PCDH15: variants seen among roughly 807,000 people sequenced by gnomAD.
The protein encoded by PCDH15 is protocadherin related 15, also known as protocadherin-15.
A neutral mutation model predicts 178.5 loss-of-function variants in PCDH15; 129 were observed. That is an observed-to-expected ratio of 0.72 (90% CI 0.63 to 0.84). The LOEUF (loss-of-function observed/expected upper bound fraction) is 0.84, where lower values mean the gene tolerates loss of function less well. PCDH15 is among the 40% of genes least tolerant of loss of function. The probability of loss-of-function intolerance (pLI) is 0.00; values close to 1 mark genes in which losing one functional copy is unlikely to be tolerated. For synonymous variants in PCDH15, 800 were observed against 732.0 expected, an observed-to-expected ratio of 1.09 and a Z score of -1.50; for missense variants, 2,230 against 2,099.9, an observed-to-expected ratio of 1.06 and a Z score of -1.21.
chr10:54,061,683 C>T (rs1326414620), intron 18 of PCDH15, among the ~76,000 whole-genome samples: 3 of 152,044 alleles, frequency 2.0e-5, no homozygotes, highest in Admixed American at 1.3e-4. Context: ...TGACACTTGA[C>T]ACAGAGTATA....
At chr10:54,964,855 CTA>C (rs913691601) in intron 2 of PCDH15, among the ~76,000 whole-genome samples, 4 of 152,074 alleles carry the variant, frequency 2.6e-5, no homozygotes, top group Admixed American at 6.6e-5. Flanking sequence ...TCAGAGACCA[CTA>C]GGAAGGCACT....
chr10:53,873,871 G>C (rs143747359), intron 26 of PCDH15, among the ~76,000 whole-genome samples: 1 of 152,104 alleles, frequency 6.6e-6, no homozygotes, highest in African/African-American at 2.4e-5. Flanking sequence ...AGAGGCCCCA[G>C]AGACTTCCTT....
chr10:55,536,048 A>G (rs986000854), intron 2 of PCDH15, among the ~76,000 whole-genome samples: 1 of 152,086 alleles, frequency 6.6e-6, no homozygotes. Flanking sequence ...GTTCATCAAC[A>G]TGGTATATAG....
Position 54,419,860 on chromosome 10 carries a change from C to G in PCDH15, c.158-40918G>C, listed in dbSNP as rs117122961. ...TTTTTACTACAAAGCTTAGGAAGAACAAAAGGAACCTGAATAGAGAAAATG... is the reference window on the plus strand; with the variant it reads ...TTTTTACTACAAAGCTTAGGAAGAAGAAAAGGAACCTGAATAGAGAAAATG... On this transcript the variant is annotated intron_variant, in intron 3 of 37. Transcript: ENST00000644397. Among the ~76,000 whole-genome samples the G allele has an allele frequency of 4.4e-3, 673 of 152,040 alleles. 1 individual carries two copies. The highest frequency in any genetic ancestry group is 0.01 in the South Asian group (50 of 4,822).
At chr10:55,031,416 TCTC>T (rs1489643527) in intron 2 of PCDH15, among the ~76,000 whole-genome samples, 3 of 152,160 alleles carry the variant, frequency 2.0e-5, no homozygotes, top group African/African-American at 7.2e-5. Context: ...AAATTTATCA[TCTC>T]ATATAAAAGG....
chr10:55,181,167 C>T (rs1423787235), intron 1 of PCDH15, among the ~76,000 whole-genome samples: 4 of 151,932 alleles, frequency 2.6e-5, no homozygotes, highest in Non-Finnish European at 4.4e-5. Flanking sequence ...CAAGTAAAAG[C>T]CATGCTGTGA....
At chr10:54,254,699 AC>A (rs1564798516) in intron 8 of PCDH15, among the ~76,000 whole-genome samples, 1 of 151,958 alleles carries the variant, frequency 6.6e-6, no homozygotes, top group East Asian at 1.9e-4. Flanking sequence ...AATTATCATG[AC>A]CTAAATTTGT....
Position 55,227,809 on chromosome 10 carries a change from G to A in PCDH15, c.-155-61158C>T, listed in dbSNP as rs578047056. On this transcript the variant is annotated intron_variant, in intron 1 of 5. Coordinates refer to the PCDH15 transcript ENST00000458638. The stretch of plus-strand genomic sequence containing the variant: ...ACATGTATTATTATATTCAGAGGAC[G>A]GGAGAAGGCAATGAATGTTTGTCGA... 5.3e-4 allele frequency among the ~76,000 whole-genome samples: 81 copies of A among 152,092 alleles called. 1 individual carries two copies. In the South Asian group the frequency reaches 0.016, roughly 30 times the overall value.
intron 2 of PCDH15, among the ~76,000 whole-genome samples, chr10:55,121,761 G>C (rs1221381744): frequency 6.6e-6 from 1 of 151,948 alleles, no homozygotes; most frequent in African/African-American, 2.4e-5. Flanking sequence ...CTGTCTTTCT[G>C]TTCCTTCTGC....
chr10:54,157,285 G>T (rs2045255147), intron 13 of PCDH15, among the ~76,000 whole-genome samples: 1 of 152,228 alleles, frequency 6.6e-6, no homozygotes, highest in Non-Finnish European at 1.5e-5. Flanking sequence ...TGGGCAACCA[G>T]GTGTTTCCAT....
intron 1 of PCDH15, among the ~76,000 whole-genome samples, chr10:55,229,856 A>G (rs971123824): frequency 6.6e-6 from 1 of 152,026 alleles, no homozygotes; most frequent in African/African-American, 2.4e-5. Flanking sequence ...TTCCAGCTTG[A>G]CAAGTCTCTA....
rs1839738819 is a variant in PCDH15, at chr10:55,463,901, GAAAGAAAGAAAGAA to G, written c.-156+163710_-156+163723del. Among the ~76,000 whole-genome samples the G allele has an allele frequency of 4.0e-4, 4 of 10,006 alleles. 1 individual carries two copies. The highest frequency in any genetic ancestry group is 1.7e-3 in the Admixed American group (1 of 572). 6.6% of individuals were successfully genotyped at this position (10,006 alleles called of 152,430 possible). On this transcript the variant is annotated intron_variant, in intron 2 of 5. Transcript: ENST00000613346. Reference sequence around the variant, plus strand: ...AGAGAGAAAGAGAGGGAGAGAGAGAGAAAGAAAGAAAGAAAGAAAGAAAGAAAGAAAGAAAGAAA... The same window carrying G: ...AGAGAGAAAGAGAGGGAGAGAGAGAGAGAAAGAAAGAAAGAAAGAAAGAAA...
intron 3 of PCDH15, among the ~76,000 whole-genome samples, chr10:54,462,104 C>CAA (rs1464889775): frequency 6.6e-6 from 1 of 152,058 alleles, no homozygotes; most frequent in Non-Finnish European, 1.5e-5. Context: ...ACTCAGCTTT[C>CAA]AATTTCTCAT....
chr10:55,235,785 T>C (rs1006846833), intron 1 of PCDH15, among the ~76,000 whole-genome samples: 14 of 151,758 alleles, frequency 9.2e-5, no homozygotes, highest in Non-Finnish European at 1.6e-4. Flanking sequence ...CATGTACCTG[T>C]AGTCCCAGCT....
At chr10:55,367,429 AAGTT>A (rs1845393534) in intron 2 of PCDH15, among the ~76,000 whole-genome samples, 1 of 151,958 alleles carries the variant, frequency 6.6e-6, no homozygotes, top group Non-Finnish European at 1.5e-5. Context: ...CATAATAAAA[AAGTT>A]AGTTGGACAT....
At chr10:54,466,785 A>T (rs2077548148) in intron 3 of PCDH15, among the ~76,000 whole-genome samples, 1 of 151,968 alleles carries the variant, frequency 6.6e-6, no homozygotes, top group Non-Finnish European at 1.5e-5. Flanking sequence ...TAATTCTTCC[A>T]ATCCACGAGC....
chr10:54,475,314 T>A (rs1194266731), intron 3 of PCDH15, among the ~76,000 whole-genome samples: 2 of 152,000 alleles, frequency 1.3e-5, no homozygotes, highest in Non-Finnish European at 2.9e-5. Flanking sequence ...TAAAACTTTA[T>A]TTAAGAACAT....
intron 2 of PCDH15, chr10:55,599,437 T>A (rs995050174): frequency 1.3e-5 from 2 of 152,350 alleles, no homozygotes; most frequent in Admixed American, 1.3e-4. Context: ...TTTACCACCA[T>A]AATTGGCCTA....
At chr10:55,203,333 T>A (rs921814437) in intron 1 of PCDH15, among the ~76,000 whole-genome samples, 1 of 152,104 alleles carries the variant, frequency 6.6e-6, no homozygotes, top group Admixed American at 6.5e-5. Flanking sequence ...TATAACAATA[T>A]TATGAGTTCT....
Sources: allele counts gnomAD v4.1 joint callset (sites outside exome capture counted in the v4.1 genomes callset), GRCh38; gene constraint gnomAD v4.1.1; transcripts MANE v1.5; gene names NCBI Gene and HGNC (gene_info 2026-07-23, HGNC 2026-07-21).